NAV3: variants seen among roughly 807,000 people sequenced by gnomAD.
NAV3 encodes the protein pore membrane and/or filament interacting like protein 1.
NAV3 carries 87 observed loss-of-function variants against 244.7 expected under a neutral mutation model. The ratio of observed to expected loss-of-function variants is 0.36; its 90% CI spans 0.30 to 0.42. The LOEUF (loss-of-function observed/expected upper bound fraction) is 0.42, where lower values mean the gene tolerates loss of function less well. Among genes scored for constraint, NAV3 ranks in the 20% least tolerant of loss-of-function variants. The pLI is 1.00. For synonymous variants in NAV3, 1,126 were observed against 1,042.2 expected, an observed-to-expected ratio of 1.08 and a Z score of -1.55; for missense variants, 2,663 against 2,893.3, an observed-to-expected ratio of 0.92 and a Z score of 1.83.
chr12:78,165,125 T>G (rs1957723950), intron 23 of NAV3, among the ~76,000 whole-genome samples: 1 of 152,070 alleles, frequency 6.6e-6, no homozygotes, highest in African/African-American at 2.4e-5. Context: ...TGAGAAACTT[T>G]CGTGGAAAAC....
At chr12:77,886,418 G>A (rs923330496) in intron 1 of NAV3, among the ~76,000 whole-genome samples, 2 of 152,080 alleles carry the variant, frequency 1.3e-5, no homozygotes, top group African/African-American at 4.8e-5. Context: ...ATGTACATAT[G>A]GGTCTAACAT....
chr12:77,831,136 T>C lies in NAV3; in HGVS notation c.-326T>C, dbSNP rs73138100. ...AAAGGAGTATTTAGTATTACTTAGA[T>C]ACTGAGTCACTGAACAGAGAGAGAG... On this transcript the variant is annotated 5_prime_UTR_variant, in exon 1 of 40. Coordinates refer to ENST00000397909, the MANE Select transcript of NAV3 (RefSeq NM_001024383.2). The C allele has an allele frequency of 0.31, 52,868 of 171,706 alleles. 9,842 individuals are homozygous for C. The highest frequency in any genetic ancestry group is 0.41 in the East Asian group (2,511 of 6,138). 10.6% of individuals were successfully genotyped at this position (171,706 alleles called of 1,614,324 possible). A position where few individuals can be genotyped will look rare whatever the true frequency, so the allele number is the denominator to read the frequency against.
At chr12:78,202,465 T>C (rs891878067) in intron 38 of NAV3, among the ~76,000 whole-genome samples, 1 of 152,026 alleles carries the variant, frequency 6.6e-6, no homozygotes, top group Non-Finnish European at 1.5e-5. Context: ...TTTCAAAAGG[T>C]ACATGGGTTC....
chr12:78,096,114 T>C (rs1954236552), intron 12 of NAV3, among the ~76,000 whole-genome samples: 1 of 152,220 alleles, frequency 6.6e-6, no homozygotes, highest in Non-Finnish European at 1.5e-5. Context: ...TTAGATTCAC[T>C]ATTTGGCAAA....
intron 9 of NAV3, among the ~76,000 whole-genome samples, chr12:78,040,795 C>A (rs2137075182): frequency 6.6e-6 from 1 of 152,198 alleles, no homozygotes; most frequent in African/African-American, 2.4e-5. Flanking sequence ...TCTAAGATGC[C>A]AATAACTGTA....
intron 2 of NAV3, among the ~76,000 whole-genome samples, chr12:77,596,627 A>G (rs969970631): frequency 6.6e-6 from 1 of 152,206 alleles, no homozygotes; most frequent in Non-Finnish European, 1.5e-5. Flanking sequence ...AATAATAATG[A>G]CACTTTCTCA....
At chr12:77,874,165 T>C (rs11107135) in intron 1 of NAV3, among the ~76,000 whole-genome samples, 21 of 151,998 alleles carry the variant, frequency 1.4e-4, no homozygotes, top group Non-Finnish European at 2.1e-4. Flanking sequence ...CCAAAAAAAG[T>C]TGGGGACTGC....
chr12:78,057,684 A>G (rs1883711092), intron 11 of NAV3, among the ~76,000 whole-genome samples: 2 of 152,218 alleles, frequency 1.3e-5, no homozygotes, highest in African/African-American at 4.8e-5. Flanking sequence ...CATCACTGCA[A>G]GAAGTGAGCA....
chr12:77,710,405 G>A (rs1172577171), intron 2 of NAV3, among the ~76,000 whole-genome samples: 1 of 149,114 alleles, frequency 6.7e-6, no homozygotes, highest in East Asian at 1.9e-4. Context: ...ATGCTCTACA[G>A]ATTGCTGCCT....
chr12:77,632,956 C>G (rs1345482676), intron 2 of NAV3, among the ~76,000 whole-genome samples: 1 of 152,066 alleles, frequency 6.6e-6, no homozygotes, highest in Non-Finnish European at 1.5e-5. Context: ...AACTGGTCTT[C>G]TCTTTCATAT....
intron 2 of NAV3, among the ~76,000 whole-genome samples, chr12:77,604,589 G>T (rs112426860): frequency 1.5e-4 from 23 of 151,362 alleles, no homozygotes; most frequent in Middle Eastern, 3.4e-3. Flanking sequence ...GGGTGCATTT[G>T]GGAAAAAATA....
chr12:77,870,753 A>G (rs141237980), intron 1 of NAV3, among the ~76,000 whole-genome samples: 32 of 152,330 alleles, frequency 2.1e-4, no homozygotes, highest in African/African-American at 6.5e-4. Flanking sequence ...AATCTAATCC[A>G]TGAGGATCAT....
At chr12:77,713,591 A>G (rs564655979) in intron 2 of NAV3, among the ~76,000 whole-genome samples, 2 of 152,180 alleles carry the variant, frequency 1.3e-5, no homozygotes, top group East Asian at 1.9e-4. Flanking sequence ...GAGCAGAAGT[A>G]CTACTGCTTA....
At chr12:78,129,206 AG>A (rs1288477325) in intron 18 of NAV3, among the ~76,000 whole-genome samples, 2 of 152,236 alleles carry the variant, frequency 1.3e-5, no homozygotes, top group African/African-American at 4.8e-5. Flanking sequence ...CTTTAATCCC[AG>A]GGGCCTTTCC....
At chr12:78,027,695 A>T (rs1430503203) in intron 9 of NAV3, among the ~76,000 whole-genome samples, 1 of 152,182 alleles carries the variant, frequency 6.6e-6, no homozygotes, top group Non-Finnish European at 1.5e-5. Context: ...GCTGCTATGT[A>T]TCTTTTCCAT....
intron 12 of NAV3, among the ~76,000 whole-genome samples, chr12:78,099,556 C>A (rs947008563): frequency 1.3e-5 from 2 of 151,712 alleles, no homozygotes; most frequent in Non-Finnish European, 1.5e-5. Flanking sequence ...GAAAAAGATA[C>A]CAAATGGTCT....
At chr12:77,810,200 C>T (rs1329588400) in intron 2 of NAV3, among the ~76,000 whole-genome samples, 1 of 152,174 alleles carries the variant, frequency 6.6e-6, no homozygotes, top group African/African-American at 2.4e-5. Context: ...GAGACGGAGT[C>T]TCGCTCTGTC....
intron 2 of NAV3, among the ~76,000 whole-genome samples, chr12:77,759,548 C>G (rs1189032036): frequency 6.6e-6 from 1 of 152,142 alleles, no homozygotes; most frequent in Non-Finnish European, 1.5e-5. Context: ...CCTCCGATGC[C>G]TAGATAACTT....
At chr12:78,141,852 A>T (rs976692644) in intron 20 of NAV3, among the ~76,000 whole-genome samples, 2 of 152,178 alleles carry the variant, frequency 1.3e-5, no homozygotes, top group African/African-American at 4.8e-5. Flanking sequence ...TTGTATTCTG[A>T]TTTAAACCAT....
Sources: gnomAD v4.1 joint callset for allele counts (sites outside exome capture counted in the v4.1 genomes callset) on GRCh38, gnomAD v4.1.1 for gene constraint, MANE v1.5 for transcripts, NCBI Gene and HGNC (gene_info 2026-07-23, HGNC 2026-07-21) for gene names.